CMTR1: variants seen among roughly 807,000 people sequenced by gnomAD.
CMTR1 encodes the protein cap methyltransferase 1.
CMTR1 carries 39 observed loss-of-function variants against 107.0 expected under a neutral mutation model. That is an observed-to-expected ratio of 0.36 (90% CI 0.28 to 0.48). The LOEUF is 0.48. Ranked by LOEUF, CMTR1 falls within the 20% of genes least tolerant of loss-of-function variation. The pLI, the probability that CMTR1 is intolerant of heterozygous loss-of-function variation, is 0.99. For missense variants in CMTR1, 672 were observed against 1,064.9 expected, an observed-to-expected ratio of 0.63 and a Z score of 5.14; for synonymous variants, 366 against 379.5, an observed-to-expected ratio of 0.96 and a Z score of 0.41.
At chr6:37,430,542 A>T (rs994399206), upstream of CMTR1, among the ~76,000 whole-genome samples, 13 of 151,000 alleles carry the variant, frequency 8.6e-5, no homozygotes, top group Non-Finnish European at 1.6e-4. Flanking sequence ...ATTTTGATGA[A>T]CTCCATTTTA....
At chr6:37,441,571 C>T (rs1481892624) in intron 2 of CMTR1, among the ~76,000 whole-genome samples, 1 of 152,002 alleles carries the variant, frequency 6.6e-6, no homozygotes, top group Non-Finnish European at 1.5e-5. Context: ...TGTGCCACCA[C>T]GCCTGGCTAA....
intron 8 of CMTR1, among the ~76,000 whole-genome samples, chr6:37,457,874 C>T (rs1761328750): frequency 6.6e-6 from 1 of 152,030 alleles, no homozygotes; most frequent in African/African-American, 2.4e-5. Flanking sequence ...CAACTGGACC[C>T]TGATTTAGCT....
chr6:37,451,048 C>T (rs1400515499), intron 5 of CMTR1, among the ~76,000 whole-genome samples: 1 of 151,888 alleles, frequency 6.6e-6, no homozygotes, highest in African/African-American at 2.4e-5. Flanking sequence ...CCACTCTCCT[C>T]ACTCATTTTT....
At chr6:37,456,645 G>A (rs538606975) in intron 8 of CMTR1, among the ~76,000 whole-genome samples, 14 of 152,296 alleles carry the variant, frequency 9.2e-5, no homozygotes, top group Admixed American at 6.5e-4. Flanking sequence ...CAGCCATGCC[G>A]AACCTGTAGA....
rs548416594 is a variant in CMTR1, at chr6:37,435,766, C to T, written c.133+4C>T. Reference sequence around the variant, plus strand: ...TCTGTCAGTCATGGAGCAAAAGGTACGTGTGCTTGTGTGGTCTGAGGCCAC... The same window carrying T: ...TCTGTCAGTCATGGAGCAAAAGGTATGTGTGCTTGTGTGGTCTGAGGCCAC... On this transcript the variant is annotated splice_donor_region_variant and intron_variant, in intron 2 of 23. Coordinates refer to ENST00000373451, the MANE Select transcript of CMTR1 (RefSeq NM_015050.3). 20 of 1,586,832 alleles carry T rather than the reference C, an allele frequency of 1.3e-5. No homozygotes were observed. The highest frequency in any genetic ancestry group is 1.5e-5 in the Non-Finnish European group (17 of 1,170,674).
intron 2 of CMTR1, among the ~76,000 whole-genome samples, chr6:37,438,723 G>A (rs531315766): frequency 3.9e-5 from 6 of 152,248 alleles, no homozygotes; most frequent in East Asian, 3.9e-4. Context: ...TTTTCATTTT[G>A]CCTGTCTCCT....
chr6:37,461,848 C>T, intron 11 of CMTR1, 122 bp from the exon 12 acceptor site: 1 of 1,148,700 alleles, frequency 8.7e-7, no homozygotes, highest in South Asian at 1.5e-5. Context: ...TAAATTGTCT[C>T]TGAGTTTTAA....
At chr6:37,477,531 C>A in intron 20 of CMTR1, 61 bp from the exon 21 acceptor site, 1 of 1,490,514 alleles carries the variant, frequency 6.7e-7, no homozygotes, top group Non-Finnish European at 9.4e-7. Context: ...CTCCCAGCTG[C>A]CTCCTGGATG....
chr6:37,443,973 T>TA (rs1352403821), intron 2 of CMTR1, 26 bp from the exon 3 acceptor site: 1 of 1,611,200 alleles, frequency 6.2e-7, no homozygotes, highest in East Asian at 2.2e-5. Flanking sequence ...TAAACCTACC[T>TA]AAACATTTTC....
At chr6:37,467,532 C>T (rs2113886627) in intron 13 of CMTR1, among the ~76,000 whole-genome samples, 1 of 152,258 alleles carries the variant, frequency 6.6e-6, no homozygotes, top group Admixed American at 6.5e-5. Context: ...ATTTTGAGTA[C>T]TTATTCTGTT....
At chr6:37,473,690 T>C (rs756771105) in intron 17 of CMTR1, 89 bp downstream of exon 17, 47 of 1,468,020 alleles carry the variant, frequency 3.2e-5, no homozygotes, top group Non-Finnish European at 3.4e-5. Context: ...ACTTGGTACA[T>C]GTTCTCTTGG....
chr6:37,481,451 T>C lies in CMTR1; in HGVS notation c.*1306T>C. 1 of 1,162,504 alleles carries C rather than the reference T, an allele frequency of 8.6e-7. No homozygotes were observed. The highest frequency in any genetic ancestry group is 1.1e-6 in the Non-Finnish European group (1 of 929,406). The allele number at this position is 1,162,504 out of a possible 1,614,324, so 72.0% of individuals were successfully genotyped here. Reference sequence around the variant, plus strand: ...GAGATGCTGTATTTCCACCCAATTCTGGGTATATCAGTGTGTCTTGCAGAA... The same window carrying C: ...GAGATGCTGTATTTCCACCCAATTCCGGGTATATCAGTGTGTCTTGCAGAA... On this transcript the variant is annotated 3_prime_UTR_variant, in exon 24 of 24. Coordinates refer to ENST00000373451, the MANE Select transcript of CMTR1 (RefSeq NM_015050.3).
At chr6:37,424,438 C>CG in the CMTR1 span, among the ~76,000 whole-genome samples, 1,652 of 151,314 alleles carry the variant, frequency 0.011, 24 homozygotes, top group African/African-American at 0.038. Context: ...TTAGTAGAGA[C>CG]GGGTTTCGCC....
intron 2 of CMTR1, among the ~76,000 whole-genome samples, chr6:37,443,271 G>A (rs141315620): frequency 6.6e-6 from 1 of 152,154 alleles, no homozygotes; most frequent in African/African-American, 2.4e-5. Context: ...TCAGTGTTTG[G>A]ATATTGATGT....
intron 16 of CMTR1, 73 bp from the exon 17 acceptor site, chr6:37,473,397 C>A: frequency 1.3e-6 from 2 of 1,541,238 alleles, no homozygotes; most frequent in Non-Finnish European, 1.8e-6. Flanking sequence ...TCGAGCCTGC[C>A]CCCAGCCCAG....
chr6:37,475,438 A>C, intron 19 of CMTR1, 26 bp downstream of exon 19: 38 of 774,436 alleles, frequency 4.9e-5, no homozygotes, highest in Non-Finnish European at 7.4e-5. Context: ...CAGGGTAGGG[A>C]GGGTGGGGGT....
the CMTR1 span, among the ~76,000 whole-genome samples, chr6:37,425,065 C>G: frequency 4.0e-5 from 6 of 150,606 alleles, no homozygotes; most frequent in Non-Finnish European, 8.8e-5. Context: ...TCTCCTGCCT[C>G]AGCCTCCAGA....
chr6:37,455,624 A>C (rs1761275888), intron 8 of CMTR1, among the ~76,000 whole-genome samples: 1 of 152,152 alleles, frequency 6.6e-6, no homozygotes, highest in African/African-American at 2.4e-5. Context: ...AAGACAACTG[A>C]AGGTAGATCT....
chr6:37,440,283 G>C (rs1771641885), intron 2 of CMTR1, among the ~76,000 whole-genome samples: 2 of 152,126 alleles, frequency 1.3e-5, no homozygotes, highest in Non-Finnish European at 2.9e-5. Context: ...CTCAATGTTT[G>C]CTAAATTCTT....
Sources: allele counts gnomAD v4.1 joint callset (sites outside exome capture counted in the v4.1 genomes callset), GRCh38; gene constraint gnomAD v4.1.1; transcripts MANE v1.5; gene names NCBI Gene and HGNC (gene_info 2026-07-23, HGNC 2026-07-21).